Variants in FILIP1 observed in about 807,000 individuals in gnomAD.
FILIP1 encodes filamin-A-interacting protein 1.
Under a neutral mutation model 102.1 loss-of-function variants are expected in FILIP1, and 61 were observed. That is an observed-to-expected ratio of 0.60 (90% CI 0.49 to 0.74). The LOEUF (loss-of-function observed/expected upper bound fraction) is 0.74. FILIP1 is among the 30% of genes least tolerant of loss of function. FILIP1 has a pLI of 0.00. For missense variants in FILIP1, 1,314 were observed against 1,441.2 expected (o/e 0.91, Z 1.43); for synonymous variants, 491 against 526.9 (o/e 0.93, Z 0.93).
At chr6:75,401,829 A>T (rs1191522249) in intron 2 of FILIP1, among the ~76,000 whole-genome samples, 1 of 152,178 alleles carries the variant, frequency 6.6e-6, no homozygotes, top group Non-Finnish European at 1.5e-5. Flanking sequence ...TTCTCATACC[A>T]GTTATCTGTA....
At chr6:75,325,468 G>A (rs572540841) in intron 4 of FILIP1, among the ~76,000 whole-genome samples, 199 of 152,190 alleles carry the variant, frequency 1.3e-3, no homozygotes, top group African/African-American at 4.7e-3. Flanking sequence ...CCCACAGAGT[G>A]GGAGAAAATA....
rs1202932722 is a variant in FILIP1, at chr6:75,314,113, A to T, written c.1719T>A (p.Asp573Glu). The T allele has an allele frequency of 6.6e-7, 1 of 1,510,560 alleles. No homozygotes were observed. The highest frequency in any genetic ancestry group is 8.8e-7 in the Non-Finnish European group (1 of 1,138,606). The allele number at this position is 1,510,560 out of a possible 1,614,324, so 93.6% of individuals were successfully genotyped here. A position where few individuals can be genotyped will look rare whatever the true frequency, so the allele number is the denominator to read the frequency against. The change falls in exon 5 of 6, where the codon GAT (aspartate) becomes GAA (glutamate). Residue 573 changes from aspartate (D) to glutamate (E), a missense_variant. By Grantham distance (45) the Asp-to-Glu change is conservative. Coordinates refer to ENST00000237172, the MANE Select transcript of FILIP1 (RefSeq NM_015687.5). ...CACTTTTCAATTTGCCTATCAACTC[A>T]TCTCTTTCTCTTGTCAAGTTGTATA... ...EKVYNLTRER[D>E]ELIGKLKSEE...
chr6:75,312,363 T>G, intron 5 of FILIP1, 34 bp downstream of exon 5: 3 of 1,587,502 alleles, frequency 1.9e-6, no homozygotes, highest in Non-Finnish European at 2.6e-6. Flanking sequence ...TCCCTCCCTC[T>G]GCAGGCCTGC....
chr6:75,326,712 T>C (rs996061478), intron 4 of FILIP1, among the ~76,000 whole-genome samples: 1 of 152,206 alleles, frequency 6.6e-6, no homozygotes, highest in East Asian at 1.9e-4. Context: ...AGAACATGAC[T>C]AAGAAGGTTG....
chr6:75,413,858 C>T (rs1174975639), intron 2 of FILIP1, among the ~76,000 whole-genome samples: 1 of 150,016 alleles, frequency 6.7e-6, no homozygotes, highest in African/African-American at 2.5e-5. Context: ...TCAGAAGAAT[C>T]CTCACTTCCT....
intron 1 of FILIP1, chr6:75,453,946 CTG>C (rs970864331): frequency 6.8e-5 from 31 of 456,592 alleles, no homozygotes; most frequent in African/African-American, 6.0e-4. Flanking sequence ...ACAAAGAACA[CTG>C]TATTAGTTTT....
At chr6:75,393,411 C>A (rs1776350345) in intron 2 of FILIP1, among the ~76,000 whole-genome samples, 1 of 151,966 alleles carries the variant, frequency 6.6e-6, no homozygotes. Flanking sequence ...TTTTAAAATT[C>A]CTTGAAAGAT....
At chr6:75,368,714 A>G (rs1303496951) in intron 2 of FILIP1, among the ~76,000 whole-genome samples, 3 of 152,208 alleles carry the variant, frequency 2.0e-5, no homozygotes, top group Non-Finnish European at 2.9e-5. Flanking sequence ...GACTATACAA[A>G]GGCCAAACAG....
At chr6:75,404,936 T>TC (rs1776788416) in intron 2 of FILIP1, among the ~76,000 whole-genome samples, 1 of 152,232 alleles carries the variant, frequency 6.6e-6, no homozygotes. Flanking sequence ...CCTCTTAACC[T>TC]GTAAACACAG....
intron 2 of FILIP1, among the ~76,000 whole-genome samples, chr6:75,383,541 A>G (rs1015355311): frequency 1.3e-5 from 2 of 152,178 alleles, no homozygotes; most frequent in African/African-American, 4.8e-5. Context: ...AATGAAACGT[A>G]TATGCTACAT....
intron 2 of FILIP1, among the ~76,000 whole-genome samples, chr6:75,375,891 G>C (rs1775735846): frequency 1.3e-5 from 2 of 152,076 alleles, no homozygotes; most frequent in African/African-American, 2.4e-5. Context: ...AAAAATGCAA[G>C]AAAATCTCAG....
At chr6:75,375,300 T>C (rs1179520093) in intron 2 of FILIP1, among the ~76,000 whole-genome samples, 1 of 152,204 alleles carries the variant, frequency 6.6e-6, no homozygotes, top group Non-Finnish European at 1.5e-5. Context: ...ATAGCTTACA[T>C]CATGCTCTCA....
intron 1 of FILIP1, among the ~76,000 whole-genome samples, chr6:75,443,595 G>C (rs1778346313): frequency 6.6e-6 from 1 of 152,086 alleles, no homozygotes; most frequent in Non-Finnish European, 1.5e-5. Flanking sequence ...CCAGCCTGTG[G>C]ACATATCCTA....
At chr6:75,396,141 A>G (rs1263944632) in intron 2 of FILIP1, among the ~76,000 whole-genome samples, 2 of 151,930 alleles carry the variant, frequency 1.3e-5, no homozygotes, top group African/African-American at 4.8e-5. Flanking sequence ...AAGATGGGAA[A>G]TATTCAAGGG....
chr6:75,437,519 T>C (rs1778065569), intron 1 of FILIP1, among the ~76,000 whole-genome samples: 1 of 152,232 alleles, frequency 6.6e-6, no homozygotes, highest in Non-Finnish European at 1.5e-5. Flanking sequence ...GAGTCTGTGA[T>C]ATTTCGGTAA....
intron 2 of FILIP1, among the ~76,000 whole-genome samples, chr6:75,367,924 A>G (rs565435301): frequency 6.6e-6 from 1 of 152,322 alleles, no homozygotes; most frequent in African/African-American, 2.4e-5. Flanking sequence ...AATTTATCCA[A>G]AATAAGTTGT....
downstream of FILIP1, among the ~76,000 whole-genome samples, chr6:75,305,209 C>T (rs953337854): frequency 7.9e-5 from 12 of 152,208 alleles, no homozygotes; most frequent in South Asian, 6.2e-4. Flanking sequence ...CTCCTCATTA[C>T]TCGTTCTCTC....
chr6:75,356,812 C>T (rs938049879), intron 3 of FILIP1, among the ~76,000 whole-genome samples: 3 of 152,078 alleles, frequency 2.0e-5, no homozygotes, highest in African/African-American at 7.2e-5. Context: ...TGAGGTTTTC[C>T]CATTGTAATA....
At chr6:75,364,139 G>A (rs1201500626) in intron 2 of FILIP1, among the ~76,000 whole-genome samples, 2 of 152,188 alleles carry the variant, frequency 1.3e-5, no homozygotes, top group Non-Finnish European at 2.9e-5. Flanking sequence ...GATTTGAAAT[G>A]TCTCTGCCAC....
Sources: allele counts gnomAD v4.1 joint callset (sites outside exome capture counted in the v4.1 genomes callset), GRCh38; gene constraint gnomAD v4.1.1; transcripts MANE v1.5; gene names NCBI Gene and HGNC (gene_info 2026-07-23, HGNC 2026-07-21).